The following ACTG1 variants were observed in gnomAD, a reference collection of about 807,000 sequenced individuals.
ACTG1 encodes the protein actin gamma 1.
A neutral mutation model predicts 34.3 loss-of-function variants in ACTG1; 14 were observed. The ratio of observed to expected loss-of-function variants is 0.41; its 90% CI spans 0.27 to 0.64. The LOEUF (loss-of-function observed/expected upper bound fraction) is 0.64. Among genes scored for constraint, ACTG1 ranks in the 30% least tolerant of loss-of-function variants. The pLI, the probability that ACTG1 is intolerant of heterozygous loss-of-function variation, is 0.33. For missense variants in ACTG1, 233 were observed against 529.5 expected, an observed-to-expected ratio of 0.44 and a Z score of 5.50; for synonymous variants, 422 against 213.9, an observed-to-expected ratio of 1.97 and a Z score of -8.49.
rs2031711491 is a variant in ACTG1, at chr17:81,510,713, T to C, written c.1105A>G (p.Ile369Val). ...KQEYDESGPS[I>V]VHRKCF ...GTTTAGAAGCATTTGCGGTGGACGA[T>C]GGAGGGGCCCGACTCGTCGTACTCC... Residue 369 changes from isoleucine (I) to valine (V), a missense_variant, in exon 6 of 6, where the codon ATC becomes GTC. Transcript: ENST00000573283. The C allele has an allele frequency of 1.2e-6, 2 of 1,614,046 alleles. No homozygotes were observed. The highest frequency in any genetic ancestry group is 2.2e-5 in the East Asian group (1 of 44,876).
At chr17:81,512,179 C>A in intron 2 of ACTG1, 37 bp from the exon 3 acceptor site, 2 of 1,613,366 alleles carry the variant, frequency 1.2e-6, no homozygotes, top group Non-Finnish European at 1.7e-6. Context: ...CCGGCGACAC[C>A]GAACCCACCC....
rs2031706156 is a variant in ACTG1, at chr17:81,510,669, C to G, written c.*21G>C. 6.2e-7 allele frequency: 1 copy of G among 1,613,480 alleles called. No individual in the cohort carries two copies. Among genetic ancestry groups the G allele is most frequent in the Non-Finnish European group, 8.5e-7 (1 of 1,179,942 alleles). On this transcript the variant is annotated 3_prime_UTR_variant, in exon 6 of 6. Coordinates refer to ENST00000573283, the MANE Select transcript of ACTG1 (RefSeq NM_001614.5). ...TCTCAATTAACCCATGCAGCAAATGCTACGCATCTGCTGAGTCCGTTTAGA... is the reference window on the plus strand; with the variant it reads ...TCTCAATTAACCCATGCAGCAAATGGTACGCATCTGCTGAGTCCGTTTAGA...
rs1139807 is a variant in ACTG1 at position 81,510,804 on chromosome 17, C to T, written c.1014G>A (p.Ser338=). 30,280 of 1,613,884 alleles carry T rather than the reference C, an allele frequency of 0.019. 638 individuals carry two copies. The highest frequency in any genetic ancestry group is 0.1 in the African/African-American group (7,488 of 74,978). ...CCAGGATGGAGCCACCGATCCACACCGAGTACTTGCGCTCTGGGGGTGCGA... is the reference window on the plus strand; with the variant it reads ...CCAGGATGGAGCCACCGATCCACACTGAGTACTTGCGCTCTGGGGGTGCGA... ...KIIAPPERKY[S]VWIGGSILAS... The change falls in exon 6 of 6, where the codon TCG becomes TCA. Residue 338 remains serine (S), a synonymous_variant. Coordinates refer to ENST00000573283, the MANE Select transcript of ACTG1 (RefSeq NM_001614.5).
rs376976044 is a variant in ACTG1, at chr17:81,510,693, G to A, written c.1125C>T (p.Phe375=). 1.2e-6 allele frequency: 2 copies of A among 1,613,900 alleles called. No individual in the cohort carries two copies. Among genetic ancestry groups the A allele is most frequent in the African/African-American group, 1.3e-5 (1 of 74,916 alleles). Residue 375 remains phenylalanine (F), a synonymous_variant, in exon 6 of 6, where the codon TTC becomes TTT. Coordinates refer to ENST00000573283, the MANE Select transcript of ACTG1 (RefSeq NM_001614.5). ...GCTACGCATCTGCTGAGTCCGTTTA[G>A]AAGCATTTGCGGTGGACGATGGAGG... ...SGPSIVHRKC[F]
chr17:81,511,859 C>G (rs782542290), intron 3 of ACTG1, 44 bp downstream of exon 3: 5 of 1,611,954 alleles, frequency 3.1e-6, no homozygotes, highest in Middle Eastern at 3.3e-4. Flanking sequence ...CAGAAAATGA[C>G]TGGGGAAAGG....
rs566402056 is a variant in ACTG1 at position 81,512,796 on chromosome 17, T to G, written c.-69A>C. 4.9e-6 allele frequency: 2 copies of G among 408,856 alleles called. No homozygotes were observed. Among genetic ancestry groups the G allele is most frequent in the Non-Finnish European group, 9.7e-6 (2 of 206,974 alleles). The allele number at this position is 408,856 out of a possible 1,614,324, so 25.3% of individuals were successfully genotyped here. On this transcript the variant is annotated 5_prime_UTR_variant, in exon 1 of 6. Coordinates refer to ENST00000573283, the MANE Select transcript of ACTG1 (RefSeq NM_001614.5). Reference sequence around the variant, plus strand: ...GAGTGCGAGAGCTGGCAGCGGCGACTGAGACCGACCGCGGCCTCCCCCGCC... The same window carrying G: ...GAGTGCGAGAGCTGGCAGCGGCGACGGAGACCGACCGCGGCCTCCCCCGCC...
At chr17:81,512,211 C>T (rs782100140) in intron 2 of ACTG1, 21 bp downstream of exon 2, 3 of 1,613,438 alleles carry the variant, frequency 1.9e-6, no homozygotes, top group Non-Finnish European at 2.5e-6. Flanking sequence ...ACCCAGGAGC[C>T]CCGCGGCGCC....
rs782205549 is a variant in ACTG1, at chr17:81,511,896, G to T, written c.363+7C>A. On this transcript the variant is annotated splice_region_variant and intron_variant, in intron 3 of 5. Transcript: ENST00000573283. ...CGGGAGGAGCACGGGCGTCGGCCGA[G>T]CCTCACCTGAGTCATCTTCTCTCTG... is the stretch of plus-strand genomic sequence containing the variant. 6.2e-7 allele frequency: 1 copy of T among 1,614,116 alleles called. No individual in the cohort carries two copies. Among genetic ancestry groups the T allele is most frequent in the Non-Finnish European group, 8.5e-7 (1 of 1,179,988 alleles).
chr17:81,512,540 G>C, intron 1 of ACTG1, 180 bp from the exon 2 acceptor site: 1 of 1,045,464 alleles, frequency 9.6e-7, no homozygotes, highest in Non-Finnish European at 1.4e-6. Flanking sequence ...CCACGGCTCG[G>C]AAGTCTGCAC....
intron 3 of ACTG1, 119 bp downstream of exon 3, chr17:81,511,784 T>A (rs2143781144): frequency 6.4e-7 from 1 of 1,568,176 alleles, no homozygotes; most frequent in Non-Finnish European, 8.7e-7. Flanking sequence ...AGGGAGGAAA[T>A]GCCGGGAGAG....
Position 81,512,356 on chromosome 17 carries a change from G to C in ACTG1, c.-2C>G. 1 of 1,613,950 alleles carries C rather than the reference G, an allele frequency of 6.2e-7. No homozygotes were observed. The highest frequency in any genetic ancestry group is 8.5e-7 in the Non-Finnish European group (1 of 1,179,934). ...CAGCGCGGCGATCTCTTCTTCCATT[G>C]CGACCTGCCCGGAAAAGGATGGACT... On this transcript the variant is annotated 5_prime_UTR_variant, in exon 2 of 6. Coordinates refer to ENST00000573283, the MANE Select transcript of ACTG1 (RefSeq NM_001614.5).
chr17:81,511,153 T>A, intron 4 of ACTG1, 35 bp downstream of exon 4: 1 of 1,613,712 alleles, frequency 6.2e-7, no homozygotes, highest in African/African-American at 1.3e-5. Flanking sequence ...TCACCGAGGA[T>A]GTAAGAGTAG....
intron 3 of ACTG1, 71 bp from the exon 4 acceptor site, chr17:81,511,697 C>A: frequency 6.5e-7 from 1 of 1,543,574 alleles, no homozygotes. Flanking sequence ...CACGCCACAA[C>A]ATGCTGCATG....
intron 3 of ACTG1, 113 bp downstream of exon 3, chr17:81,511,790 G>C (rs781918976): frequency 3.2e-6 from 5 of 1,575,476 alleles, no homozygotes; most frequent in African/African-American, 2.7e-5. Flanking sequence ...GAAATGCCGG[G>C]AGAGGAACAG....
chr17:81,511,718 G>A (rs782685249), intron 3 of ACTG1, 92 bp from the exon 4 acceptor site: 9 of 1,517,754 alleles, frequency 5.9e-6, no homozygotes, highest in South Asian at 3.7e-5. Context: ...CCAGTGTGAT[G>A]TGTGGAGAAA....
Position 81,511,462 on chromosome 17 carries a change from C to T in ACTG1, c.528G>A (p.Leu176=). 1 of 1,613,900 alleles carries T rather than the reference C, an allele frequency of 6.2e-7. No homozygotes were observed. Among genetic ancestry groups the T allele is most frequent in the Non-Finnish European group, 8.5e-7 (1 of 1,180,046 alleles). ...GGTCCCGGCCAGCCAGGTCCAGACG[C>T]AGGATGGCGTGGGGGAGGGCGTAGC... The part of the protein sequence containing the change: ...YEGYALPHAI[L]RLDLAGRDLT... The change falls in exon 4 of 6, where the codon CTG becomes CTA. Residue 176 remains leucine, a synonymous_variant. Coordinates refer to ENST00000573283, the MANE Select transcript of ACTG1 (RefSeq NM_001614.5).
intron 3 of ACTG1, 41 bp from the exon 4 acceptor site, chr17:81,511,667 C>G (rs782432398): frequency 6.3e-7 from 1 of 1,589,184 alleles, no homozygotes; most frequent in Non-Finnish European, 8.6e-7. Flanking sequence ...GGACAGAGAC[C>G]CACGGCCACC....
chr17:81,511,749 A>G (rs1555666902), intron 3 of ACTG1, 123 bp from the exon 4 acceptor site: 8 of 1,524,940 alleles, frequency 5.2e-6, no homozygotes, highest in East Asian at 4.5e-5. Context: ...GCAGGCAGAA[A>G]CCAAATGAGA....
At position 81,511,842 on chromosome 17, in the gene ACTG1, AGC is replaced by A. The variant is rs781940846; in HGVS notation, c.363+59_363+60del. On this transcript the variant is annotated intron_variant, in intron 3 of 5. Transcript: ENST00000573283. ...AGAAACACTTAAATGTCAGAAATCAAGCCGGGCAGAAAATGACTGGGGAAAGG... is the reference window on the plus strand; with the variant it reads ...AGAAACACTTAAATGTCAGAAATCAACGGGCAGAAAATGACTGGGGAAAGG... 11 of 1,609,914 alleles carry A rather than the reference AGC, an allele frequency of 6.8e-6. No individual in the cohort carries two copies. In the East Asian group the frequency reaches 2.5e-4, roughly 36 times the overall value.
Sources: gnomAD v4.1 joint callset for allele counts on GRCh38, gnomAD v4.1.1 for gene constraint, MANE v1.5 for transcripts, NCBI Gene and HGNC (gene_info 2026-07-23, HGNC 2026-07-21) for gene names.